Variants in LMNA observed in about 807,000 individuals in gnomAD.
The protein encoded by LMNA is lamin.
Under a neutral mutation model 70.4 loss-of-function variants are expected in LMNA, and 20 were observed. The ratio of observed to expected loss-of-function variants is 0.28; its 90% CI spans 0.20 to 0.41. LMNA has a LOEUF of 0.41. LMNA is among the 10% of genes least tolerant of loss of function. The pLI, the probability that LMNA is intolerant of heterozygous loss-of-function variation, is 1.00. For missense variants in LMNA, 652 were observed against 917.2 expected (o/e 0.71, Z 3.73); for synonymous variants, 339 against 372.8 (o/e 0.91, Z 1.04).
At chr1:156,101,721 G>T (rs1649151266) in intron 3 of LMNA, among the ~76,000 whole-genome samples, 2 of 152,180 alleles carry the variant, frequency 1.3e-5, no homozygotes, top group Non-Finnish European at 2.9e-5. Flanking sequence ...GCAGAGGCAA[G>T]GGTGGAGGCA....
intron 2 of LMNA, among the ~76,000 whole-genome samples, chr1:156,089,764 T>G (rs775828851): frequency 1.3e-5 from 2 of 152,158 alleles, no homozygotes; most frequent in Non-Finnish European, 2.9e-5. Flanking sequence ...GCTTCTCCCC[T>G]GGGACTACAC....
At chr1:156,129,488 A>AT (rs1424123594) in intron 1 of LMNA, among the ~76,000 whole-genome samples, 1 of 151,930 alleles carries the variant, frequency 6.6e-6, no homozygotes, top group Non-Finnish European at 1.5e-5. Flanking sequence ...TCCAGGATAG[A>AT]TTTTTCCTTC....
At chr1:156,086,425 T>TC (rs1553259431) in intron 2 of LMNA, among the ~76,000 whole-genome samples, 71 of 151,194 alleles carry the variant, frequency 4.7e-4, no homozygotes, top group African/African-American at 1.1e-3. Flanking sequence ...TCTCTCTCTC[T>TC]TTTGTCTTTC....
At chr1:156,104,271 G>T (rs1158610580) in intron 3 of LMNA, among the ~76,000 whole-genome samples, 1 of 152,170 alleles carries the variant, frequency 6.6e-6, no homozygotes, top group Non-Finnish European at 1.5e-5. Context: ...GCTGGCTTTT[G>T]TTGGGGAGGA....
upstream of LMNA, among the ~76,000 whole-genome samples, chr1:156,113,685 G>A (rs1266382019): frequency 1.3e-5 from 2 of 152,072 alleles, no homozygotes; most frequent in African/African-American, 4.8e-5. Context: ...AATATTGGCT[G>A]TCCAGCCCCC....
At chr1:156,126,698 C>T (rs772794728) in intron 1 of LMNA, 2 of 1,532,654 alleles carry the variant, frequency 1.3e-6, no homozygotes, top group Admixed American at 2.0e-5. Context: ...CTCTCTGTTC[C>T]CCTCCCCACC....
At chr1:156,093,165 C>T (rs1266090937) in intron 3 of LMNA, among the ~76,000 whole-genome samples, 1 of 152,032 alleles carries the variant, frequency 6.6e-6, no homozygotes, top group East Asian at 1.9e-4. Flanking sequence ...GCTGGGATTA[C>T]AGGTGTGAGC....
At chr1:156,092,283 G>T (rs878868014) in intron 3 of LMNA, among the ~76,000 whole-genome samples, 1 of 152,096 alleles carries the variant, frequency 6.6e-6, no homozygotes, top group Non-Finnish European at 1.5e-5. Context: ...TACTTAGGAG[G>T]CTGAGATAGG....
chr1:156,139,144 C>T lies in LMNA; in HGVS notation c.*38C>T. 1 of 1,613,150 alleles carries T rather than the reference C, an allele frequency of 6.2e-7. No homozygotes were observed. The highest frequency in any genetic ancestry group is 8.5e-7 in the Non-Finnish European group (1 of 1,179,804). On this transcript the variant is annotated 3_prime_UTR_variant, in exon 12 of 12. Transcript: ENST00000368300. ...CAGGCAGGGGTGGGGGTGGAGGCTT[C>T]CTGCGTCCTCCTCACCTCATGCCCA...
Position 156,137,595 on chromosome 1 carries a change from C to A in LMNA, c.1609-59C>A. 1.4e-6 allele frequency: 2 copies of A among 1,436,342 alleles called. No individual in the cohort carries two copies. Among genetic ancestry groups the A allele is most frequent in the Admixed American group, 2.0e-5 (1 of 50,872 alleles). The allele number at this position is 1,436,342 out of a possible 1,614,324, so 89.0% of individuals were successfully genotyped here. ...AGTTGCAGGTGGTCACTGGGGTAGA[C>A]ATGCTGTACAACCCTTCCCTGGCCC... On this transcript the variant is annotated intron_variant, in intron 9 of 11. Transcript: ENST00000368300. This position sits in a 1 kb window ranked among gnomAD's most constrained non-coding sequence, Gnocchi z 4.6.
intron 1 of LMNA, among the ~76,000 whole-genome samples, chr1:156,118,348 G>A (rs1380723031): frequency 6.6e-6 from 1 of 152,180 alleles, no homozygotes; most frequent in Non-Finnish European, 1.5e-5. Flanking sequence ...ACCCAGCCAC[G>A]CCAGTTTGTC....
chr1:156,106,324 G>C (rs1292047141), intron 3 of LMNA, among the ~76,000 whole-genome samples: 3 of 152,234 alleles, frequency 2.0e-5, no homozygotes, highest in Non-Finnish European at 4.4e-5. Flanking sequence ...GGGCGAGGGG[G>C]CCCTCTCCTC....
chr1:156,123,571 C>T (rs1650347488), intron 1 of LMNA, among the ~76,000 whole-genome samples: 1 of 152,188 alleles, frequency 6.6e-6, no homozygotes, highest in African/African-American at 2.4e-5. Flanking sequence ...CCTCCCGCCC[C>T]CTTCAGGACA....
intron 2 of LMNA, among the ~76,000 whole-genome samples, chr1:156,088,557 C>T (rs1648571370): frequency 6.6e-6 from 1 of 152,164 alleles, no homozygotes; most frequent in Non-Finnish European, 1.5e-5. Context: ...ATAATCCCAG[C>T]ACCTTGGGGC....
At position 156,134,525 on chromosome 1, in the gene LMNA, T is replaced by C. The variant is rs1341924118; in HGVS notation, c.636T>C (p.Ser212=). The change falls in exon 3 of 12, where the codon AGT becomes AGC. Residue 212 remains serine, a synonymous_variant. Transcript: ENST00000368300. This position sits in a 1 kb window ranked among gnomAD's most constrained non-coding sequence, Gnocchi z 5.3. Reference sequence around the variant, plus strand: ...TGGACTTCCAGAAGAACATCTACAGTGAGGTGGGGACTGTGCTTTGCAAGC... The same window carrying C: ...TGGACTTCCAGAAGAACATCTACAGCGAGGTGGGGACTGTGCTTTGCAAGC... ...EELDFQKNIY[S]EELRETKRRH... The C allele has an allele frequency of 1.2e-6, 2 of 1,613,594 alleles. No homozygotes were observed. The highest frequency in any genetic ancestry group is 1.7e-5 in the Admixed American group (1 of 60,010).
chr1:156,136,642 G>C lies in LMNA; in HGVS notation c.1380+206G>C. On this transcript the variant is annotated intron_variant, in intron 7 of 11. Coordinates refer to ENST00000368300, the MANE Select transcript of LMNA (RefSeq NM_170707.4). This position sits in a 1 kb window ranked among gnomAD's most constrained non-coding sequence, Gnocchi z 6.1. ...CTTGAGCAGGTTATTTAACCTCTCA[G>C]AGCATCAGTTTCCTCATCTGTAAAA... is the stretch of plus-strand genomic sequence containing the variant. The C allele has an allele frequency of 1.5e-6, 1 of 677,776 alleles. No homozygotes were observed. The highest frequency in any genetic ancestry group is 2.6e-6 in the Non-Finnish European group (1 of 381,980). 42.0% of individuals were successfully genotyped at this position (677,776 alleles called of 1,614,324 possible).
intron 1 of LMNA, among the ~76,000 whole-genome samples, chr1:156,127,689 T>TA: frequency 6.8e-6 from 1 of 147,428 alleles, no homozygotes; most frequent in East Asian, 2.0e-4. Context: ...CAGCTAAATT[T>TA]TTTTTTTTTT....
intron 3 of LMNA, among the ~76,000 whole-genome samples, chr1:156,095,781 G>T (rs911553730): frequency 6.6e-6 from 1 of 152,204 alleles, no homozygotes; most frequent in Admixed American, 6.5e-5. Context: ...ATTAATTCTT[G>T]TGTTCAGTCC....
Position 156,138,235 on chromosome 1 carries a change from G to C in LMNA, c.1699-253G>C, listed in dbSNP as rs41265009. The C allele has an allele frequency of 2.2e-4, 128 of 592,170 alleles. No homozygotes were observed. Among genetic ancestry groups the C allele is most frequent in the Admixed American group, 8.0e-4 (27 of 33,614 alleles). 36.7% of individuals were successfully genotyped at this position (592,170 alleles called of 1,614,324 possible). A position where few individuals can be genotyped will look rare whatever the true frequency, so the allele number is the denominator to read the frequency against. On this transcript the variant is annotated intron_variant, in intron 10 of 11. Coordinates refer to ENST00000368300, the MANE Select transcript of LMNA (RefSeq NM_170707.4). This position sits in a 1 kb window ranked among gnomAD's most constrained non-coding sequence, Gnocchi z 5.5. ...TTCTTTTCCTCTTAAGCTCAGAGTA[G>C]CTAGAACAGAGTCAGAGTCACTGCT...
Sources: allele counts gnomAD v4.1 joint callset (sites outside exome capture counted in the v4.1 genomes callset), GRCh38; gene constraint gnomAD v4.1.1; non-coding constraint Gnocchi (gnomAD v3.1); transcripts MANE v1.5; gene names NCBI Gene and HGNC (gene_info 2026-07-23, HGNC 2026-07-21).